CENPP: variants seen among roughly 807,000 people sequenced by gnomAD.
CENPP encodes the protein centromere protein P.
A neutral mutation model predicts 35.6 loss-of-function variants in CENPP; 24 were observed. The observed-to-expected ratio is 0.67, with a 90% CI of 0.49 to 0.95. CENPP has a LOEUF of 0.95. Among genes scored for constraint, CENPP ranks in the 40% least tolerant of loss-of-function variants. CENPP has a pLI of 0.00. For missense variants in CENPP, 332 were observed against 345.3 expected (o/e 0.96, Z 0.31); for synonymous variants, 120 against 125.5 (o/e 0.96, Z 0.29).
chr9:92,523,028 T>C (rs949372188), intron 5 of CENPP: 12 of 865,826 alleles, frequency 1.4e-5, no homozygotes, highest in African/African-American at 3.5e-5. Flanking sequence ...CTATATGCTA[T>C]AGTATTATTG....
chr9:92,408,242 G>A lies in CENPP; in HGVS notation c.564+28383G>A, dbSNP rs1250154271. Among the ~76,000 whole-genome samples the A allele has an allele frequency of 2.0e-5, 3 of 152,176 alleles. No individual in the cohort carries two copies. The East Asian group carries it at 5.8e-4, about 29-fold the overall frequency. On this transcript the variant is annotated intron_variant, in intron 5 of 7. Transcript: ENST00000375587. ...TGCTCTGTCTCCAGGCTGGAGTGCA[G>A]TGGTGCGATCTCAGCTCACTGCAAC...
chr9:92,608,150 C>T (rs1239718262), intron 5 of CENPP, among the ~76,000 whole-genome samples: 1 of 152,208 alleles, frequency 6.6e-6, no homozygotes, highest in Non-Finnish European at 1.5e-5. Context: ...ACAGGCATCT[C>T]GTTCACTTTC....
chr9:92,394,127 C>G (rs1415458557), intron 5 of CENPP, among the ~76,000 whole-genome samples: 1 of 152,154 alleles, frequency 6.6e-6, no homozygotes, highest in African/African-American at 2.4e-5. Flanking sequence ...TTGTGACTAA[C>G]CAAATAGTGA....
chr9:92,589,236 C>G (rs1850613305), intron 5 of CENPP, among the ~76,000 whole-genome samples: 1 of 151,672 alleles, frequency 6.6e-6, no homozygotes, highest in Non-Finnish European at 1.5e-5. Flanking sequence ...TGCACCGTCA[C>G]TAGGGAAGCT....
chr9:92,414,876 A>G (rs1218344353), intron 5 of CENPP: 2 of 275,820 alleles, frequency 7.3e-6, no homozygotes, highest in African/African-American at 2.2e-5. Flanking sequence ...TTAACATGAT[A>G]TTTCTATATT....
intron 5 of CENPP, chr9:92,416,816 A>G: frequency 1.2e-6 from 2 of 1,613,892 alleles, no homozygotes; most frequent in East Asian, 4.5e-5. Context: ...TTTTTCGGGT[A>G]TAGAAGAAAT....
intron 5 of CENPP, among the ~76,000 whole-genome samples, chr9:92,608,486 G>A (rs529741403): frequency 2.3e-4 from 35 of 152,270 alleles, no homozygotes; most frequent in Non-Finnish European, 4.7e-4. Flanking sequence ...AAACTCGACT[G>A]CTGTTGAGAT....
intron 5 of CENPP, chr9:92,417,008 C>G: frequency 2.5e-6 from 4 of 1,613,854 alleles, no homozygotes; most frequent in Non-Finnish European, 3.4e-6. Flanking sequence ...GTTTACTAGC[C>G]CATCCATAGC....
intron 5 of CENPP, among the ~76,000 whole-genome samples, chr9:92,489,038 T>G (rs1846122019): frequency 6.6e-6 from 1 of 152,242 alleles, no homozygotes; most frequent in African/African-American, 2.4e-5. Flanking sequence ...TATGATTTAG[T>G]TGTATCACCA....
chr9:92,421,676 A>G (rs1472685365), intron 5 of CENPP, among the ~76,000 whole-genome samples: 1 of 152,192 alleles, frequency 6.6e-6, no homozygotes, highest in Admixed American at 6.5e-5. Flanking sequence ...ACATCAGTTT[A>G]CCGTTGTCCT....
rs1851538006 is a variant in CENPP at position 92,619,041 on chromosome 9, G to C, written c.*5892G>C. 1 of 228,868 alleles carries C rather than the reference G, an allele frequency of 4.4e-6. No individual in the cohort carries two copies. Among genetic ancestry groups the C allele is most frequent in the Non-Finnish European group, 8.7e-6 (1 of 114,416 alleles). The allele number at this position is 228,868 out of a possible 1,614,324, so 14.2% of individuals were successfully genotyped here. On this transcript the variant is annotated 3_prime_UTR_variant, in exon 8 of 8. Transcript: ENST00000375587. ...GGCTGGTTATTCAGAAGAGGAAGCA[G>C]AATGAATGCGCGCCTCACAGGCTTT...
chr9:92,444,334 A>C (rs1006027072), intron 5 of CENPP, among the ~76,000 whole-genome samples: 5 of 152,060 alleles, frequency 3.3e-5, no homozygotes, highest in South Asian at 4.2e-4. Context: ...TAGATCCTTC[A>C]TGCATTTTTA....
chr9:92,616,379 A>G lies in CENPP; in HGVS notation c.*3230A>G, dbSNP rs41266679. 0.055 allele frequency: 13,114 copies of G among 237,112 alleles called. 533 individuals carry two copies. Among genetic ancestry groups the G allele is most frequent in the South Asian group, 0.092 (1,215 of 13,188 alleles). The allele number at this position is 237,112 out of a possible 1,614,324, so 14.7% of individuals were successfully genotyped here. On this transcript the variant is annotated 3_prime_UTR_variant, in exon 8 of 8. Coordinates refer to ENST00000375587, the MANE Select transcript of CENPP (RefSeq NM_001012267.3). Reference sequence around the variant, plus strand: ...AGAGGGTTAAAGGACTGAAAGATGGAAAAGTAATTATGTGGAACATGTGAG... The same window carrying G: ...AGAGGGTTAAAGGACTGAAAGATGGGAAAGTAATTATGTGGAACATGTGAG...
intron 5 of CENPP, chr9:92,502,568 G>A (rs779012819): frequency 2.5e-5 from 40 of 1,612,134 alleles, no homozygotes; most frequent in South Asian, 2.4e-4. Context: ...TTGTTATAAC[G>A]TAGTACAATG....
chr9:92,582,215 G>A (rs555526534), intron 5 of CENPP, among the ~76,000 whole-genome samples: 28 of 152,096 alleles, frequency 1.8e-4, no homozygotes, highest in Admixed American at 1.2e-3. Flanking sequence ...CACCATGCCC[G>A]GCTAATTTTT....
chr9:92,457,275 CA>C (rs754675611), intron 5 of CENPP: 11 of 1,610,050 alleles, frequency 6.8e-6, no homozygotes, highest in Non-Finnish European at 9.3e-6. Flanking sequence ...TGGACATTAC[CA>C]ATTACTAATT....
At chr9:92,331,568 GTA>G (rs1840747874) in intron 1 of CENPP, among the ~76,000 whole-genome samples, 1 of 152,218 alleles carries the variant, frequency 6.6e-6, no homozygotes, top group Non-Finnish European at 1.5e-5. Flanking sequence ...AACACACATT[GTA>G]ATTTTGCAAA....
At chr9:92,578,028 C>T (rs981280189) in intron 5 of CENPP, among the ~76,000 whole-genome samples, 1 of 148,310 alleles carries the variant, frequency 6.7e-6, no homozygotes, top group Admixed American at 6.9e-5. Context: ...CAGTTCCCAC[C>T]TATGAGTGAG....
At chr9:92,587,989 T>C (rs1346087718) in intron 5 of CENPP, among the ~76,000 whole-genome samples, 8 of 151,584 alleles carry the variant, frequency 5.3e-5, no homozygotes, top group African/African-American at 1.9e-4. Context: ...GCTGGGCATG[T>C]TGGAGCCAGG....
Sources: allele counts gnomAD v4.1 joint callset (sites outside exome capture counted in the v4.1 genomes callset), GRCh38; gene constraint gnomAD v4.1.1; transcripts MANE v1.5; gene names NCBI Gene and HGNC (gene_info 2026-07-23, HGNC 2026-07-21).